Variants in KCNC1 observed in about 807,000 individuals in gnomAD.
KCNC1 encodes potassium voltage-gated channel subfamily C member 1, also known as voltage-gated potassium channel KCNC1.
KCNC1 carries 8 observed loss-of-function variants against 43.4 expected under a neutral mutation model. The observed-to-expected ratio is 0.18, with a 90% CI of 0.11 to 0.33. The LOEUF (loss-of-function observed/expected upper bound fraction) is 0.33. Among genes scored for constraint, KCNC1 ranks in the 10% least tolerant of loss-of-function variants. The pLI is 1.00. For missense variants in KCNC1, 420 were observed against 836.0 expected, an observed-to-expected ratio of 0.50 and a Z score of 6.14; for synonymous variants, 361 against 360.5, an observed-to-expected ratio of 1.00 and a Z score of -0.01.
chr11:17,735,794 G>A lies in KCNC1; in HGVS notation c.-209G>A. On this transcript the variant is annotated 5_prime_UTR_variant, in exon 1 of 4. Coordinates refer to ENST00000265969, the MANE Select transcript of KCNC1 (RefSeq NM_001112741.2). This position sits in a 1 kb window ranked among gnomAD's most constrained non-coding sequence, Gnocchi z 6.7. ...GGCTCCTAGAGACCCCTGGGATCCC[G>A]CGCACATTCCCCTGGACCGGCACCC... is the stretch of plus-strand genomic sequence containing the variant. 2.2e-6 allele frequency: 1 copy of A among 459,410 alleles called. No individual in the cohort carries two copies. The highest frequency in any genetic ancestry group is 3.7e-6 in the Non-Finnish European group (1 of 271,524). The allele number at this position is 459,410 out of a possible 1,614,324, so 28.5% of individuals were successfully genotyped here. A position where few individuals can be genotyped will look rare whatever the true frequency, so the allele number is the denominator to read the frequency against.
intron 1 of KCNC1, among the ~76,000 whole-genome samples, chr11:17,768,031 T>TA (rs1365571559): frequency 6.6e-5 from 10 of 152,268 alleles, no homozygotes; most frequent in Middle Eastern, 3.4e-3. Flanking sequence ...GCCTGGGAGT[T>TA]ACCAGGCTCC....
At chr11:17,743,771 G>A (rs1279447200) in intron 1 of KCNC1, among the ~76,000 whole-genome samples, 3 of 152,178 alleles carry the variant, frequency 2.0e-5, no homozygotes, top group Admixed American at 6.5e-5. Flanking sequence ...AACCTCTGGG[G>A]TTTTGGTCAT....
In KCNC1 at chr11:17,777,996, T is replaced by TC; in HGVS notation, c.1505-1454dup. ...CGGGTGGACATTGTCTCCAGCCTTT[T>TC]CCCCCCACTCTACTCTTTCAGAGAG... On this transcript the variant is annotated intron_variant, in intron 2 of 3. Transcript: ENST00000265969. This position sits in a 1 kb window ranked among gnomAD's most constrained non-coding sequence, Gnocchi z 4.3. Among the ~76,000 whole-genome samples, 1 of 152,224 alleles carries TC rather than the reference T, an allele frequency of 6.6e-6. No homozygotes were observed. Among genetic ancestry groups the TC allele is most frequent in the East Asian group, 1.9e-4 (1 of 5,162 alleles).
intron 1 of KCNC1, among the ~76,000 whole-genome samples, chr11:17,740,873 T>C (rs930555432): frequency 6.6e-5 from 10 of 152,116 alleles, no homozygotes; most frequent in Admixed American, 6.5e-4. Flanking sequence ...GAAATTTACC[T>C]GGTGGCGGGA....
intron 1 of KCNC1, among the ~76,000 whole-genome samples, chr11:17,756,959 C>A (rs7125500): frequency 2.0e-5 from 3 of 152,100 alleles, no homozygotes; most frequent in Non-Finnish European, 4.4e-5. Flanking sequence ...TAACACTTTC[C>A]AGCTATGTGG....
Position 17,761,030 on chromosome 11 carries a change from C to T in KCNC1, c.571-10635C>T, listed in dbSNP as rs139440835. Among the ~76,000 whole-genome samples, 426 of 152,350 alleles carry T rather than the reference C, an allele frequency of 2.8e-3. 2 individuals are homozygous for T. Among genetic ancestry groups the T allele is most frequent in the Non-Finnish European group, 4.7e-3 (320 of 68,030 alleles). Reference sequence around the variant, plus strand: ...ACCTTGGGTGTCCTTTCCCTCCCGACACCCAAGACAGGCAGGGGTCCACGT... The same window carrying T: ...ACCTTGGGTGTCCTTTCCCTCCCGATACCCAAGACAGGCAGGGGTCCACGT... On this transcript the variant is annotated intron_variant, in intron 1 of 3. Transcript: ENST00000265969.
At chr11:17,753,522 G>T (rs1173089668) in intron 1 of KCNC1, among the ~76,000 whole-genome samples, 1 of 152,226 alleles carries the variant, frequency 6.6e-6, no homozygotes, top group Admixed American at 6.5e-5. Context: ...AGGGACTTGG[G>T]TCTAGCCTGG....
chr11:17,768,590 T>G (rs1849181691), intron 1 of KCNC1, among the ~76,000 whole-genome samples: 1 of 109,616 alleles, frequency 9.1e-6, no homozygotes, highest in Non-Finnish European at 1.7e-5. Context: ...GAACAGGGAG[T>G]ACAGTGGAGA....
In KCNC1 at chr11:17,773,085, G is replaced by T. The variant is rs1385972563; in HGVS notation, c.1504+487G>T. ...GAGATGGTGCATGGGATCTGGGCAG[G>T]AGGGTCCCTTGCAAAGGCAGGTGCA... On this transcript the variant is annotated intron_variant, in intron 2 of 3. Transcript: ENST00000265969. This position sits in a 1 kb window ranked among gnomAD's most constrained non-coding sequence, Gnocchi z 4.1. The T allele has an allele frequency of 6.0e-6, 6 of 996,652 alleles. No homozygotes were observed. The highest frequency in any genetic ancestry group is 5.1e-4 in the Middle Eastern group (1 of 1,942). 61.7% of individuals were successfully genotyped at this position (996,652 alleles called of 1,614,324 possible). A position where few individuals can be genotyped will look rare whatever the true frequency, so the allele number is the denominator to read the frequency against.
At position 17,779,680 on chromosome 11, in the gene KCNC1, G is replaced by A. The variant is rs575356142; in HGVS notation, c.1693+36G>A. 4.3e-5 allele frequency: 61 copies of A among 1,428,496 alleles called. No homozygotes were observed. The highest frequency in any genetic ancestry group is 3.8e-4 in the African/African-American group (26 of 68,720). 88.5% of individuals were successfully genotyped at this position (1,428,496 alleles called of 1,614,324 possible). On this transcript the variant is annotated intron_variant, in intron 3 of 3. Transcript: ENST00000265969. The surrounding 1 kb of genome is among the most constrained non-coding windows in gnomAD (Gnocchi z 7.2). ...GAAGCTGGAGCACCGTGCATCGTCC[G>A]GGCCGCCTCGCGCTCCTGCAGATGG...
chr11:17,756,520 A>AC (rs1849023711), intron 1 of KCNC1, among the ~76,000 whole-genome samples: 2 of 143,908 alleles, frequency 1.4e-5, no homozygotes, highest in African/African-American at 5.3e-5. Flanking sequence ...CTTCCCTCCA[A>AC]ACACACACAC....
chr11:17,779,206 T>C lies in KCNC1; in HGVS notation c.1505-250T>C. On this transcript the variant is annotated intron_variant, in intron 2 of 3. Transcript: ENST00000265969. This position sits in a 1 kb window ranked among gnomAD's most constrained non-coding sequence, Gnocchi z 7.2. ...CTGGATCCATCACCAACTCATCTTTTTGCAAACTTTGAGCAAACCCAGGAG... is the reference window on the plus strand; with the variant it reads ...CTGGATCCATCACCAACTCATCTTTCTGCAAACTTTGAGCAAACCCAGGAG... 1 of 420,106 alleles carries C rather than the reference T, an allele frequency of 2.4e-6. No individual in the cohort carries two copies. The highest frequency in any genetic ancestry group is 4.2e-6 in the Non-Finnish European group (1 of 237,902). 26.0% of individuals were successfully genotyped at this position (420,106 alleles called of 1,614,324 possible).
Position 17,779,798 on chromosome 11 carries a change from G to A in KCNC1, c.1693+154G>A, listed in dbSNP as rs953200187. 3.5e-6 allele frequency: 2 copies of A among 567,502 alleles called. No individual in the cohort carries two copies. The highest frequency in any genetic ancestry group is 2.9e-6 in the Non-Finnish European group (1 of 348,248). The allele number at this position is 567,502 out of a possible 1,614,324, so 35.2% of individuals were successfully genotyped here. On this transcript the variant is annotated intron_variant, in intron 3 of 3. Transcript: ENST00000265969. This position sits in a 1 kb window ranked among gnomAD's most constrained non-coding sequence, Gnocchi z 7.2. ...GAATCTCCCAGGGTCGGCCCCTGGA[G>A]GGCTGAGGCCCTTCCCCCCAAGTGA...
intron 1 of KCNC1, among the ~76,000 whole-genome samples, chr11:17,766,379 G>A (rs977422505): frequency 6.6e-6 from 1 of 152,174 alleles, no homozygotes; most frequent in Admixed American, 6.5e-5. Flanking sequence ...GTGTGTGTTT[G>A]TGGTCTGTGG....
At chr11:17,747,995 T>G (rs1201349459) in intron 1 of KCNC1, among the ~76,000 whole-genome samples, 2 of 152,220 alleles carry the variant, frequency 1.3e-5, no homozygotes, top group African/African-American at 4.8e-5. Flanking sequence ...TCAGCACCAA[T>G]TCATCCATCC....
At chr11:17,755,096 T>TGAAGGGGTAAGCC (rs1450035987) in intron 1 of KCNC1, among the ~76,000 whole-genome samples, 2 of 151,898 alleles carry the variant, frequency 1.3e-5, no homozygotes, top group Admixed American at 1.3e-4. Flanking sequence ...CATGAGGCAG[T>TGAAGGGGTAAGCC]GAAGGGGTAA....
chr11:17,751,701 G>C (rs1848970367), intron 1 of KCNC1, among the ~76,000 whole-genome samples: 1 of 152,332 alleles, frequency 6.6e-6, no homozygotes, highest in East Asian at 1.9e-4. Flanking sequence ...CCAGGACCAG[G>C]CTGGAAAGAA....
Position 17,739,895 on chromosome 11 carries a change from C to T in KCNC1, c.570+3323C>T, listed in dbSNP as rs1034254809. 1.3e-5 allele frequency among the ~76,000 whole-genome samples: 2 copies of T among 152,014 alleles called. No individual in the cohort carries two copies. The highest frequency in any genetic ancestry group is 6.5e-5 in the Admixed American group (1 of 15,286). On this transcript the variant is annotated intron_variant, in intron 1 of 3. Transcript: ENST00000265969. The surrounding 1 kb of genome is among the most constrained non-coding windows in gnomAD (Gnocchi z 4.2). ...TGTGAGAGAGAGGTCCTGTGCATCC[C>T]GAGTGTGTGTGTGCTTGAGGAAGAT... is the stretch of plus-strand genomic sequence containing the variant.
Position 17,772,590 on chromosome 11 carries a change from A to G in KCNC1, c.1496A>G (p.Asn499Ser). Residue 499 changes from asparagine (N) to serine (S), a missense_variant, in exon 2 of 4, where the codon AAC becomes AGC. Transcript: ENST00000265969. ...PLAQEEILEI[N>S]RADSKLNGEV... ...GCCCAGGAAGAAATTTTAGAAATTAACAGAGCAGGTAGGAAACCTCTTAGA... is the reference window on the plus strand; with the variant it reads ...GCCCAGGAAGAAATTTTAGAAATTAGCAGAGCAGGTAGGAAACCTCTTAGA... 6.2e-7 allele frequency: 1 copy of G among 1,612,720 alleles called. No individual in the cohort carries two copies. Among genetic ancestry groups the G allele is most frequent in the East Asian group, 2.2e-5 (1 of 44,866 alleles).
Sources: allele counts gnomAD v4.1 joint callset (sites outside exome capture counted in the v4.1 genomes callset), GRCh38; gene constraint gnomAD v4.1.1; non-coding constraint Gnocchi (gnomAD v3.1); transcripts MANE v1.5; gene names NCBI Gene and HGNC (gene_info 2026-07-23, HGNC 2026-07-21).